NRG1: variants seen among roughly 807,000 people sequenced by gnomAD.
The protein encoded by NRG1 is pro-neuregulin-1, membrane-bound isoform.
NRG1 carries 18 observed loss-of-function variants against 63.8 expected under a neutral mutation model. The observed-to-expected ratio is 0.28, with a 90% CI of 0.19 to 0.42. The LOEUF is 0.42. Ranked by LOEUF, NRG1 falls within the 10% of genes least tolerant of loss-of-function variation. NRG1 has a pLI of 1.00. For missense variants in NRG1, 762 were observed against 814.7 expected (o/e 0.94, Z 0.79); for synonymous variants, 302 against 301.3 (o/e 1.00, Z -0.02).
chr8:31,825,169 C>T (rs1461334327), intron 1 of NRG1, among the ~76,000 whole-genome samples: 1 of 152,096 alleles, frequency 6.6e-6, no homozygotes, highest in Non-Finnish European at 1.5e-5. Flanking sequence ...GGCAGGCAAT[C>T]ATGAGGTCAA....
At position 31,640,832 on chromosome 8, in the gene NRG1, T is replaced by A; in HGVS notation, c.37+1401T>A. The A allele has an allele frequency of 7.1e-7, 1 of 1,410,148 alleles. No individual in the cohort carries two copies. The highest frequency in any genetic ancestry group is 9.2e-7 in the Non-Finnish European group (1 of 1,084,602). The allele number at this position is 1,410,148 out of a possible 1,614,324, so 87.4% of individuals were successfully genotyped here. On this transcript the variant is annotated intron_variant, in intron 1 of 10. Transcript: ENST00000519301. This position sits in a 1 kb window ranked among gnomAD's most constrained non-coding sequence, Gnocchi z 6.3. ...GGCCGCCCGAGCAAGGCAGAGGCGC[T>A]CTGGGTCCCAGTTGTTGGTTTCAGG...
intron 1 of NRG1, among the ~76,000 whole-genome samples, chr8:31,883,629 TGTTTTTCAGCAAGTA>T (rs1476761304): frequency 1.3e-5 from 2 of 152,158 alleles, no homozygotes; most frequent in African/African-American, 4.8e-5. Context: ...TTTACGCTTT[TGTTTTTCAGCAAGTA>T]GTAAGGGAGG....
At chr8:32,216,503 TG>T (rs1845242964) in intron 1 of NRG1, among the ~76,000 whole-genome samples, 1 of 149,330 alleles carries the variant, frequency 6.7e-6, no homozygotes. Context: ...CTGTTTCTCT[TG>T]ACAACCTTAC....
chr8:31,653,400 A>G (rs1187449866), intron 1 of NRG1, among the ~76,000 whole-genome samples: 1 of 152,120 alleles, frequency 6.6e-6, no homozygotes, highest in Non-Finnish European at 1.5e-5. Flanking sequence ...GTTTATTTCT[A>G]CCTAGTGAAT....
exon 1 of NRG1, chr8:32,548,643 CTT>C (rs916297301): frequency 2.7e-6 from 4 of 1,473,170 alleles, no homozygotes; most frequent in Admixed American, 5.1e-5. Flanking sequence ...GAGGGACAAA[CTT>C]TTCCCAAACC....
chr8:32,240,973 A>C (rs1586317543), intron 1 of NRG1, among the ~76,000 whole-genome samples: 1 of 152,070 alleles, frequency 6.6e-6, no homozygotes, highest in African/African-American at 2.4e-5. Flanking sequence ...GAGAGTACAT[A>C]CCCTTTTTAA....
intron 1 of NRG1, among the ~76,000 whole-genome samples, chr8:32,238,801 TATTAA>T (rs2129469533): frequency 6.6e-6 from 1 of 152,306 alleles, no homozygotes; most frequent in Admixed American, 6.5e-5. Context: ...AAGAGGTTTT[TATTAA>T]ATTTGGTAGA....
intron 5 of NRG1, among the ~76,000 whole-genome samples, chr8:32,674,907 C>T: frequency 6.6e-6 from 1 of 152,098 alleles, no homozygotes. Flanking sequence ...GAATCTAGAG[C>T]TATAGCTGTT....
intron 1 of NRG1, among the ~76,000 whole-genome samples, chr8:31,950,374 T>G (rs1465573892): frequency 6.6e-6 from 1 of 152,156 alleles, no homozygotes; most frequent in Non-Finnish European, 1.5e-5. Flanking sequence ...TAAATCATAT[T>G]GTTTGGGAAA....
intron 1 of NRG1, among the ~76,000 whole-genome samples, chr8:31,652,330 A>G (rs1397698865): frequency 6.6e-6 from 1 of 152,200 alleles, no homozygotes; most frequent in Non-Finnish European, 1.5e-5. Flanking sequence ...CTCTTTATGC[A>G]TGGATTCTTT....
intron 1 of NRG1, among the ~76,000 whole-genome samples, chr8:31,878,268 C>T (rs186997803): frequency 1.0e-3 from 158 of 152,232 alleles, no homozygotes; most frequent in Non-Finnish European, 2.0e-3. Flanking sequence ...AATAACCTTA[C>T]ATCTTTTTTA....
chr8:31,661,975 C>T lies in NRG1; in HGVS notation c.37+22544C>T, dbSNP rs114152916. Among the ~76,000 whole-genome samples, 479 of 152,206 alleles carry T rather than the reference C, an allele frequency of 3.1e-3. 3 individuals are homozygous for T. Among genetic ancestry groups the T allele is most frequent in the African/African-American group, 0.011 (450 of 41,512 alleles). On this transcript the variant is annotated intron_variant, in intron 1 of 10. Transcript: ENST00000519301. The stretch of plus-strand genomic sequence containing the variant: ...TCTTAAAGGCCATCTTTTCCTCAAA[C>T]GAGTTTCTGAAATGAAAATGAAAAG...
In NRG1 at chr8:31,856,482, C is replaced by T. The variant is rs573829489; in HGVS notation, c.37+217051C>T. Among the ~76,000 whole-genome samples, 4 of 152,290 alleles carry T rather than the reference C, an allele frequency of 2.6e-5. No individual in the cohort carries two copies. The East Asian group carries it at 7.7e-4, about 29-fold the overall frequency. On this transcript the variant is annotated intron_variant, in intron 1 of 10. Coordinates refer to the NRG1 transcript ENST00000519301. Reference sequence around the variant, plus strand: ...GCTCCATCAGCTCCTTTAAGCACTTCTCTGTATTGGTTATTCTAGTTATAC... The same window carrying T: ...GCTCCATCAGCTCCTTTAAGCACTTTTCTGTATTGGTTATTCTAGTTATAC...
intron 1 of NRG1, among the ~76,000 whole-genome samples, chr8:32,359,457 G>T (rs1271240888): frequency 6.6e-6 from 1 of 152,120 alleles, no homozygotes; most frequent in Non-Finnish European, 1.5e-5. Context: ...GCTTTGAGAA[G>T]TCCTTGAGTT....
chr8:32,739,345 G>T (rs1825828626), intron 6 of NRG1, among the ~76,000 whole-genome samples: 1 of 152,100 alleles, frequency 6.6e-6, no homozygotes, highest in African/African-American at 2.4e-5. Flanking sequence ...TGCTGATGCT[G>T]TCAGTTCTAA....
At chr8:31,809,741 G>GTTTTTTTT (rs753730069) in intron 1 of NRG1, among the ~76,000 whole-genome samples, 3 of 68,018 alleles carry the variant, frequency 4.4e-5, no homozygotes, top group Non-Finnish European at 7.9e-5. Context: ...TCTATTAATT[G>GTTTTTTTT]TTTTTTTTTT....
At chr8:31,666,768 G>A (rs1380389002) in intron 1 of NRG1, among the ~76,000 whole-genome samples, 2 of 152,214 alleles carry the variant, frequency 1.3e-5, no homozygotes, top group East Asian at 3.9e-4. Context: ...ATTCAGAATG[G>A]GCTCTTCCAT....
intron 1 of NRG1, among the ~76,000 whole-genome samples, chr8:32,507,895 A>C (rs1047511873): frequency 2.0e-4 from 31 of 152,096 alleles, no homozygotes; most frequent in Admixed American, 1.1e-3. Flanking sequence ...ATGGGGTTTC[A>C]CCATGTTGGC....
chr8:32,685,065 T>C (rs899637422), intron 5 of NRG1, among the ~76,000 whole-genome samples: 1 of 152,124 alleles, frequency 6.6e-6, no homozygotes, highest in Admixed American at 6.6e-5. Context: ...AAGCAAGATA[T>C]TGACCTTGAT....
Sources: allele counts gnomAD v4.1 joint callset (sites outside exome capture counted in the v4.1 genomes callset), GRCh38; gene constraint gnomAD v4.1.1; non-coding constraint Gnocchi (gnomAD v3.1); transcripts MANE v1.5; gene names NCBI Gene and HGNC (gene_info 2026-07-23, HGNC 2026-07-21).